The following RBFOX1 variants were observed in gnomAD, a reference collection of about 807,000 sequenced individuals.
The protein encoded by RBFOX1 is RNA binding protein fox-1 homolog 1.
In RBFOX1, 8 loss-of-function variants were observed where a neutral mutation model predicts 57.7. That is an observed-to-expected ratio of 0.14 (90% CI 0.08 to 0.25). RBFOX1 has a LOEUF of 0.25. Among genes scored for constraint, RBFOX1 ranks in the 10% least tolerant of loss-of-function variants. The probability of loss-of-function intolerance (pLI) is 1.00; values close to 1 mark genes in which losing one functional copy is unlikely to be tolerated. For synonymous variants in RBFOX1, 326 were observed against 222.4 expected, an observed-to-expected ratio of 1.47 and a Z score of -4.15; for missense variants, 611 against 548.5, an observed-to-expected ratio of 1.11 and a Z score of -1.14.
intron 5 of RBFOX1, among the ~76,000 whole-genome samples, chr16:7,519,951 T>C (rs1254825423): frequency 6.6e-6 from 1 of 152,176 alleles, no homozygotes; most frequent in Non-Finnish European, 1.5e-5. Context: ...GGTGGCGCGA[T>C]CTCGGCTCAC....
At chr16:7,282,902 G>A (rs1324933803) in intron 4 of RBFOX1, among the ~76,000 whole-genome samples, 3 of 152,144 alleles carry the variant, frequency 2.0e-5, no homozygotes, top group African/African-American at 7.2e-5. Flanking sequence ...TGCTGCAACT[G>A]CGATTAATTC....
At chr16:5,984,976 ATTT>A (rs869160414) in intron 4 of RBFOX1, among the ~76,000 whole-genome samples, 667 of 55,444 alleles carry the variant, frequency 0.012, 3 homozygotes, top group Middle Eastern at 0.052. Context: ...ATATATATAT[ATTT>A]TTTTTTTTTT....
chr16:5,633,052 C>T (rs1029982256), intron 3 of RBFOX1, among the ~76,000 whole-genome samples: 3 of 151,550 alleles, frequency 2.0e-5, no homozygotes, highest in African/African-American at 2.4e-5. Context: ...GATTCTCCTG[C>T]CTCAGCCTCC....
intron 2 of RBFOX1, among the ~76,000 whole-genome samples, chr16:6,541,716 A>T (rs1414214021): frequency 6.6e-6 from 1 of 152,228 alleles, no homozygotes; most frequent in East Asian, 1.9e-4. Flanking sequence ...AGATGATGGT[A>T]GCTGCTAAGA....
chr16:7,200,131 T>G (rs2152713449), intron 4 of RBFOX1, among the ~76,000 whole-genome samples: 1 of 152,374 alleles, frequency 6.6e-6, no homozygotes, highest in South Asian at 2.1e-4. Flanking sequence ...AAAACTGGTT[T>G]GAATTGTTCT....
intron 3 of RBFOX1, among the ~76,000 whole-genome samples, chr16:6,839,538 G>C (rs1269761940): frequency 6.6e-6 from 1 of 152,152 alleles, no homozygotes; most frequent in Non-Finnish European, 1.5e-5. Context: ...AGACAGACAA[G>C]GAGGGTATCT....
At chr16:6,756,598 C>A (rs922394713) in intron 3 of RBFOX1, among the ~76,000 whole-genome samples, 1 of 152,136 alleles carries the variant, frequency 6.6e-6, no homozygotes, top group African/African-American at 2.4e-5. Context: ...TGACAAGGAA[C>A]ACAGTCAACT....
chr16:7,097,365 G>A lies in RBFOX1; in HGVS notation c.27+45267G>A, dbSNP rs149077220. Among the ~76,000 whole-genome samples, 1,180 of 152,162 alleles carry A rather than the reference G, an allele frequency of 7.8e-3. 11 individuals carry two copies. The highest frequency in any genetic ancestry group is 0.013 in the Non-Finnish European group (852 of 68,006). On this transcript the variant is annotated intron_variant, in intron 4 of 15. Coordinates refer to ENST00000550418, the MANE Select transcript of RBFOX1 (RefSeq NM_018723.4). ...CTGAGACAGGCAGGAATCAGAGCCTGGTAGATTAGAGTTGCTTGCATCAAC... is the reference window on the plus strand; with the variant it reads ...CTGAGACAGGCAGGAATCAGAGCCTAGTAGATTAGAGTTGCTTGCATCAAC...
At chr16:5,818,898 C>G (rs2055744262) in intron 3 of RBFOX1, among the ~76,000 whole-genome samples, 1 of 152,174 alleles carries the variant, frequency 6.6e-6, no homozygotes, top group Non-Finnish European at 1.5e-5. Flanking sequence ...CTCCACCCAC[C>G]AAATACATCA....
chr16:7,460,370 A>AAAAAAAAATAT (rs1251870828), intron 4 of RBFOX1, among the ~76,000 whole-genome samples: 1 of 76,036 alleles, frequency 1.3e-5, no homozygotes, highest in African/African-American at 6.8e-5. Context: ...CATTTAGCAA[A>AAAAAAAAATAT]ATATATATAT....
At chr16:6,595,828 T>C (rs945510589) in intron 2 of RBFOX1, among the ~76,000 whole-genome samples, 2 of 152,222 alleles carry the variant, frequency 1.3e-5, no homozygotes, top group Admixed American at 1.3e-4. Context: ...ATCTTTTTAA[T>C]GTGCTTGTTG....
At chr16:5,668,108 C>G (rs1341515417) in intron 3 of RBFOX1, among the ~76,000 whole-genome samples, 1 of 152,166 alleles carries the variant, frequency 6.6e-6, no homozygotes, top group East Asian at 1.9e-4. Context: ...TCGTGAAACT[C>G]TGTCTCTACT....
At chr16:7,070,860 G>C (rs1462630913) in intron 4 of RBFOX1, among the ~76,000 whole-genome samples, 1 of 152,148 alleles carries the variant, frequency 6.6e-6, no homozygotes, top group East Asian at 1.9e-4. Context: ...ATTGACCAAG[G>C]GTGACAAAAC....
At chr16:5,545,217 A>G (rs1248811959) in intron 2 of RBFOX1, among the ~76,000 whole-genome samples, 1 of 152,104 alleles carries the variant, frequency 6.6e-6, no homozygotes, top group East Asian at 1.9e-4. Flanking sequence ...ACCTCAGGTG[A>G]TCCAACCGCC....
chr16:6,788,003 G>C (rs1311490505), intron 3 of RBFOX1, among the ~76,000 whole-genome samples: 37 of 151,926 alleles, frequency 2.4e-4, no homozygotes, highest in African/African-American at 8.7e-4. Context: ...TGGGGGGACC[G>C]CTTGAGGTCA....
chr16:6,755,048 G>A (rs1035069896), intron 3 of RBFOX1, among the ~76,000 whole-genome samples: 2 of 152,104 alleles, frequency 1.3e-5, no homozygotes, highest in African/African-American at 4.8e-5. Flanking sequence ...CATTTTTTAT[G>A]GCTGCATAGT....
At chr16:7,276,520 G>A (rs554872632) in intron 4 of RBFOX1, among the ~76,000 whole-genome samples, 91 of 152,112 alleles carry the variant, frequency 6.0e-4, no homozygotes, top group African/African-American at 2.2e-3. Context: ...CAAAGGGTAG[G>A]GAAATCTAAG....
At chr16:7,456,832 C>T (rs1195764360) in intron 4 of RBFOX1, among the ~76,000 whole-genome samples, 5 of 152,104 alleles carry the variant, frequency 3.3e-5, no homozygotes, top group Non-Finnish European at 7.4e-5. Flanking sequence ...TGGAGCAGGG[C>T]TGTATCAGCT....
chr16:7,155,583 G>A (rs2076910665), intron 4 of RBFOX1, among the ~76,000 whole-genome samples: 1 of 142,570 alleles, frequency 7.0e-6, no homozygotes, highest in Non-Finnish European at 1.5e-5. Flanking sequence ...GTAACAGGGT[G>A]AGCACTTGTC....
Sources: allele counts gnomAD v4.1 joint callset (sites outside exome capture counted in the v4.1 genomes callset), GRCh38; gene constraint gnomAD v4.1.1; transcripts MANE v1.5; gene names NCBI Gene and HGNC (gene_info 2026-07-23, HGNC 2026-07-21).